Variants in GPR20 observed in about 807,000 individuals in gnomAD.
The protein encoded by GPR20 is G protein-coupled receptor 20.
For missense variants in GPR20, 494 were observed against 527.4 expected (o/e 0.94, Z 0.62); for synonymous variants, 241 against 241.9 (o/e 1.00, Z 0.04).
chr8:141,356,804 C>A lies in GPR20; in HGVS notation c.*43G>T, dbSNP rs941531362. The A allele has an allele frequency of 5.7e-6, 8 of 1,410,834 alleles. No individual in the cohort carries two copies. The highest frequency in any genetic ancestry group is 7.7e-6 in the Non-Finnish European group (8 of 1,033,028). 87.4% of individuals were successfully genotyped at this position (1,410,834 alleles called of 1,614,324 possible). On this transcript the variant is annotated 3_prime_UTR_variant, in exon 2 of 2. Transcript: ENST00000377741. ...ATGGTGGGTGTCCACGCTGGCATGC[C>A]CAGATGAGTCCTGACCTTCGGCCCC...
At position 141,360,284 on chromosome 8, in the gene GPR20, G is replaced by A. The variant is rs1177815669; in HGVS notation, c.-24-2337C>T. ...TGAACCCTCATCTTGGTCACACACT[G>A]AGCCATGATCCCAGTAATGTGATGA... On this transcript the variant is annotated intron_variant, in intron 1 of 1. Coordinates refer to ENST00000377741, the MANE Select transcript of GPR20 (RefSeq NM_005293.3). 2.6e-5 allele frequency among the ~76,000 whole-genome samples: 4 copies of A among 152,228 alleles called. No homozygotes were observed. The South Asian group carries it at 8.3e-4, about 31-fold the overall frequency.
chr8:141,357,593 C>G lies in GPR20; in HGVS notation c.331G>C (p.Ala111Pro). 6.2e-7 allele frequency: 1 copy of G among 1,613,948 alleles called. No individual in the cohort carries two copies. The highest frequency in any genetic ancestry group is 2.2e-5 in the East Asian group (1 of 44,880). ...CAGCCCCTGGCGCCGTAGTACACAGCGAAGCGCGTGGGCAGGGACAGCCCT... is the reference window on the plus strand; with the variant it reads ...CAGCCCCTGGCGCCGTAGTACACAGGGAAGCGCGTGGGCAGGGACAGCCCT... ...LVGLSLPTRF[A>P]VYYGARGCLR... The change falls in exon 2 of 2, where the codon GCT (alanine) becomes CCT (proline). Residue 111 changes from alanine (A) to proline (P), a missense_variant. By Grantham distance (27) the Ala-to-Pro change is conservative. Coordinates refer to ENST00000377741, the MANE Select transcript of GPR20 (RefSeq NM_005293.3).
At chr8:141,366,437 T>A (rs1831814639) in intron 1 of GPR20, among the ~76,000 whole-genome samples, 1 of 152,158 alleles carries the variant, frequency 6.6e-6, no homozygotes, top group South Asian at 2.1e-4. Context: ...CCCTGGCTGC[T>A]GGCCAGTTCC....
At chr8:141,361,152 T>C (rs1563706679) in intron 1 of GPR20, among the ~76,000 whole-genome samples, 1 of 152,238 alleles carries the variant, frequency 6.6e-6, no homozygotes, top group Non-Finnish European at 1.5e-5. Context: ...TGACATGGTG[T>C]TGGGGCTCAG....
chr8:141,363,677 C>T (rs1033870655), intron 1 of GPR20, among the ~76,000 whole-genome samples: 5 of 152,256 alleles, frequency 3.3e-5, no homozygotes, highest in Non-Finnish European at 7.3e-5. Context: ...TCATGCCGGC[C>T]TCCGTCCTTG....
chr8:141,360,970 C>T (rs1424603865), intron 1 of GPR20, among the ~76,000 whole-genome samples: 2 of 152,222 alleles, frequency 1.3e-5, no homozygotes, highest in African/African-American at 4.8e-5. Flanking sequence ...AGGCAGGGCC[C>T]TGTCCCCAAG....
intron 1 of GPR20, among the ~76,000 whole-genome samples, chr8:141,366,710 G>A (rs1831818868): frequency 6.6e-6 from 1 of 152,060 alleles, no homozygotes; most frequent in Non-Finnish European, 1.5e-5. Flanking sequence ...CCCTCACCAT[G>A]GCCCTGCCCC....
chr8:141,356,523 C>T lies in GPR20; in HGVS notation c.*324G>A. On this transcript the variant is annotated 3_prime_UTR_variant, in exon 2 of 2. Coordinates refer to ENST00000377741, the MANE Select transcript of GPR20 (RefSeq NM_005293.3). Reference sequence around the variant, plus strand: ...CTTCTAATCAATGGAATCCACTGTGCCCTTTTTTCTGAGGAACTCCTTCTG... The same window carrying T: ...CTTCTAATCAATGGAATCCACTGTGTCCTTTTTTCTGAGGAACTCCTTCTG... 2.7e-6 allele frequency: 1 copy of T among 369,772 alleles called. No individual in the cohort carries two copies. Among genetic ancestry groups the T allele is most frequent in the Non-Finnish European group, 4.8e-6 (1 of 207,870 alleles). The allele number at this position is 369,772 out of a possible 1,614,324, so 22.9% of individuals were successfully genotyped here.
chr8:141,357,696 G>A lies in GPR20; in HGVS notation c.228C>T (p.Tyr76=), dbSNP rs377431537. The stretch of plus-strand genomic sequence containing the variant: ...TGGCCCGGGTGCGGCAGCAGAAGAC[G>A]TACAGCGCCAGCCCGTTGAGCACCA... ...AGLVLNGLAL[Y]VFCCRTRAKT... Residue 76 remains tyrosine (Y), a synonymous_variant, in exon 2 of 2, where the codon TAC becomes TAT. Coordinates refer to ENST00000377741, the MANE Select transcript of GPR20 (RefSeq NM_005293.3). 50 of 1,613,438 alleles carry A rather than the reference G, an allele frequency of 3.1e-5. No individual in the cohort carries two copies. The highest frequency in any genetic ancestry group is 4.0e-5 in the African/African-American group (3 of 74,934).
chr8:141,356,770 ACC>A lies in GPR20; in HGVS notation c.*75_*76del. 1 of 1,043,076 alleles carries A rather than the reference ACC, an allele frequency of 9.6e-7. No homozygotes were observed. The highest frequency in any genetic ancestry group is 1.4e-6 in the Non-Finnish European group (1 of 713,682). 64.6% of individuals were successfully genotyped at this position (1,043,076 alleles called of 1,614,324 possible). ...ATCAATCGAGATGGAACCGATTGCC[ACC>A]CCTGGCATGGTGGGTGTCCACGCTG... On this transcript the variant is annotated 3_prime_UTR_variant, in exon 2 of 2. Transcript: ENST00000377741.
rs1831643220 is a variant in GPR20 at position 141,356,747 on chromosome 8, C to T, written c.*100G>A. The T allele has an allele frequency of 3.8e-6, 3 of 779,842 alleles. No homozygotes were observed. Among genetic ancestry groups the T allele is most frequent in the African/African-American group, 1.7e-5 (1 of 57,828 alleles). The allele number at this position is 779,842 out of a possible 1,614,324, so 48.3% of individuals were successfully genotyped here. On this transcript the variant is annotated 3_prime_UTR_variant, in exon 2 of 2. Coordinates refer to ENST00000377741, the MANE Select transcript of GPR20 (RefSeq NM_005293.3). The stretch of plus-strand genomic sequence containing the variant: ...GGTGCTCTGGGTAGCCATCACCAAT[C>T]AATCGAGATGGAACCGATTGCCACC...
chr8:141,365,227 G>C (rs1563708293), intron 1 of GPR20, among the ~76,000 whole-genome samples: 2 of 152,170 alleles, frequency 1.3e-5, no homozygotes, highest in Admixed American at 6.5e-5. Context: ...CAATCTGAAG[G>C]GCACCCGCTG....
chr8:141,358,778 C>A (rs1056179897), intron 1 of GPR20, among the ~76,000 whole-genome samples: 6 of 152,212 alleles, frequency 3.9e-5, no homozygotes, highest in Admixed American at 2.0e-4. Flanking sequence ...AGGCGGGCAC[C>A]CCTATGATCC....
intron 1 of GPR20, among the ~76,000 whole-genome samples, chr8:141,361,712 G>A (rs1002640133): frequency 6.6e-6 from 1 of 152,168 alleles, no homozygotes; most frequent in Admixed American, 6.5e-5. Context: ...CTGTGAAGTG[G>A]GAATGGCCGG....
chr8:141,356,663 G>A lies in GPR20; in HGVS notation c.*184C>T, dbSNP rs781475326. ...GGCATTCAGGCCACCACATCCCATC[G>A]GAGCCAGTGGCAGACATTGCTAATC... is the stretch of plus-strand genomic sequence containing the variant. On this transcript the variant is annotated 3_prime_UTR_variant, in exon 2 of 2. Coordinates refer to ENST00000377741, the MANE Select transcript of GPR20 (RefSeq NM_005293.3). 4.2e-5 allele frequency: 22 copies of A among 522,192 alleles called. No homozygotes were observed. The highest frequency in any genetic ancestry group is 9.2e-5 in the East Asian group (3 of 32,740). The allele number at this position is 522,192 out of a possible 1,614,324, so 32.3% of individuals were successfully genotyped here.
rs760109025 is a variant in GPR20, at chr8:141,356,860, C to T, written c.1064G>A (p.Gly355Glu). 5 of 1,595,970 alleles carry T rather than the reference C, an allele frequency of 3.1e-6. No homozygotes were observed. In the East Asian group the frequency reaches 1.1e-4, roughly 36 times the overall value. ...GAGCCCTGCTGACTAAGCCTCGGGC[C>T]CATTAGCCAGGGCCTGGGTGAGGGC... ...PHALTQALANGPEA is the reference protein window; with the variant it reads ...PHALTQALANEPEA The change falls in exon 2 of 2, where the codon GGG becomes GAG. Residue 355 changes from glycine to glutamate, a missense_variant. Coordinates refer to ENST00000377741, the MANE Select transcript of GPR20 (RefSeq NM_005293.3).
intron 1 of GPR20, among the ~76,000 whole-genome samples, chr8:141,363,665 G>A (rs898632240): frequency 3.3e-5 from 5 of 152,254 alleles, no homozygotes; most frequent in African/African-American, 1.2e-4. Flanking sequence ...GGGGCACCAG[G>A]GTCATGCCGG....
intron 1 of GPR20, among the ~76,000 whole-genome samples, chr8:141,363,257 T>C (rs1227634179): frequency 6.6e-6 from 1 of 152,210 alleles, no homozygotes; most frequent in Non-Finnish European, 1.5e-5. Flanking sequence ...ACCCCCAACA[T>C]GGGAGGCGTG....
chr8:141,363,594 C>A lies in GPR20; in HGVS notation c.-25+3607G>T, dbSNP rs566880498. Among the ~76,000 whole-genome samples, 3 of 152,370 alleles carry A rather than the reference C, an allele frequency of 2.0e-5. No homozygotes were observed. In the South Asian group the frequency reaches 6.2e-4, roughly 32 times the overall value. The stretch of plus-strand genomic sequence containing the variant: ...GCTTGTTGAATTTCTGCTGGGCACC[C>A]GGCCATGGAAGGCCAGACCCCTGGG... On this transcript the variant is annotated intron_variant, in intron 1 of 1. Transcript: ENST00000377741.
Sources: gnomAD v4.1 joint callset for allele counts (sites outside exome capture counted in the v4.1 genomes callset) on GRCh38, gnomAD v4.1.1 for gene constraint, MANE v1.5 for transcripts, NCBI Gene and HGNC (gene_info 2026-07-23, HGNC 2026-07-21) for gene names.